ARHGAP26: variants seen among roughly 807,000 people sequenced by gnomAD.
ARHGAP26 encodes Rho GTPase activating protein 26.
ARHGAP26 carries 38 observed loss-of-function variants against 104.8 expected under a neutral mutation model. The ratio of observed to expected loss-of-function variants is 0.36; its 90% CI spans 0.28 to 0.48. ARHGAP26 has a LOEUF of 0.48. ARHGAP26 is among the 20% of genes least tolerant of loss of function. The pLI, the probability that ARHGAP26 is intolerant of heterozygous loss-of-function variation, is 0.99. For synonymous variants in ARHGAP26, 341 were observed against 340.0 expected (o/e 1.00, Z -0.03); for missense variants, 704 against 947.9 (o/e 0.74, Z 3.38).
chr5:142,933,511 G>A (rs1209324032), intron 11 of ARHGAP26, among the ~76,000 whole-genome samples: 2 of 152,190 alleles, frequency 1.3e-5, no homozygotes, highest in Non-Finnish European at 2.9e-5. Flanking sequence ...AGATAGATAA[G>A]TGTATTTCTC....
At chr5:143,060,275 T>C (rs1219504501) in intron 17 of ARHGAP26, among the ~76,000 whole-genome samples, 1 of 152,246 alleles carries the variant, frequency 6.6e-6, no homozygotes, top group African/African-American at 2.4e-5. Flanking sequence ...TATTACTTAC[T>C]GTTTGCCTTG....
chr5:143,191,620 A>G (rs1805932429), intron 20 of ARHGAP26, among the ~76,000 whole-genome samples: 1 of 152,244 alleles, frequency 6.6e-6, no homozygotes, highest in African/African-American at 2.4e-5. Context: ...AATATTAAGA[A>G]AATATGTATT....
At chr5:143,154,102 C>T (rs982070968) in intron 20 of ARHGAP26, among the ~76,000 whole-genome samples, 1 of 150,394 alleles carries the variant, frequency 6.6e-6, no homozygotes, top group Non-Finnish European at 1.5e-5. Flanking sequence ...GTCAATTGAA[C>T]TCCTACTGTG....
intron 17 of ARHGAP26, chr5:143,058,095 G>A: frequency 2.1e-6 from 1 of 478,244 alleles, no homozygotes; most frequent in Non-Finnish European, 4.1e-6. Flanking sequence ...TGCTCATCAA[G>A]AACAAACAAA....
chr5:142,876,648 C>T (rs753827249), intron 3 of ARHGAP26, among the ~76,000 whole-genome samples: 58 of 150,882 alleles, frequency 3.8e-4, no homozygotes, highest in Admixed American at 8.6e-4. Context: ...GGCATTGTGA[C>T]GTATGCTTGT....
chr5:143,059,592 A>T (rs1198872593), intron 17 of ARHGAP26, among the ~76,000 whole-genome samples: 3 of 152,154 alleles, frequency 2.0e-5, no homozygotes, highest in Non-Finnish European at 4.4e-5. Flanking sequence ...CATTCAGTCC[A>T]TCCTTGTTAC....
intron 11 of ARHGAP26, among the ~76,000 whole-genome samples, chr5:142,983,625 C>T (rs962306720): frequency 5.3e-5 from 8 of 151,948 alleles, no homozygotes; most frequent in South Asian, 2.1e-4. Flanking sequence ...ATTTTTACAT[C>T]GAAAAAATAA....
chr5:142,805,393 C>T (rs182762677), intron 1 of ARHGAP26, among the ~76,000 whole-genome samples: 184 of 152,298 alleles, frequency 1.2e-3, no homozygotes, highest in Middle Eastern at 0.01. Flanking sequence ...TGACCCACCA[C>T]GCCTGGCCCA....
intron 11 of ARHGAP26, among the ~76,000 whole-genome samples, chr5:142,970,422 C>T (rs1022586877): frequency 6.6e-6 from 1 of 152,208 alleles, no homozygotes; most frequent in African/African-American, 2.4e-5. Context: ...TTTCTGTTTT[C>T]CTCTCTGTTG....
intron 1 of ARHGAP26, among the ~76,000 whole-genome samples, chr5:142,855,349 A>T (rs1752179370): frequency 6.6e-6 from 1 of 152,098 alleles, no homozygotes; most frequent in Non-Finnish European, 1.5e-5. Flanking sequence ...AGATACTAGG[A>T]GGCTGCTGGT....
chr5:142,901,912 T>C, intron 6 of ARHGAP26, 23 bp from the exon 7 acceptor site: 1 of 1,604,538 alleles, frequency 6.2e-7, no homozygotes, highest in Non-Finnish European at 8.5e-7. Flanking sequence ...TATGTGACCT[T>C]TGCCTTTCTT....
intron 1 of ARHGAP26, among the ~76,000 whole-genome samples, chr5:142,850,178 CT>C (rs1369006738): frequency 6.6e-6 from 1 of 152,202 alleles, no homozygotes; most frequent in Non-Finnish European, 1.5e-5. Context: ...TTTGGCCCTA[CT>C]ATTTCCCGTG....
intron 1 of ARHGAP26, among the ~76,000 whole-genome samples, chr5:142,869,300 G>A (rs141480403): frequency 3.8e-3 from 574 of 150,404 alleles, no homozygotes; most frequent in Non-Finnish European, 6.0e-3. Flanking sequence ...TCAGCCTCCC[G>A]GGTTCACGCG....
intron 22 of ARHGAP26, chr5:143,216,561 TAA>T (rs1169742181): frequency 3.1e-6 from 1 of 322,360 alleles, no homozygotes; most frequent in African/African-American, 2.2e-5. Context: ...AACAATTCTG[TAA>T]CTGCTCCCAC....
In ARHGAP26 at chr5:142,906,693, TC is replaced by T. The variant is rs551906134; in HGVS notation, c.833-1007del. Reference sequence around the variant, plus strand: ...GTGTTGTTCAATTACTGGAATTTTTTCCCCAGTCTGTAAGAATACACTAAGA... The same window carrying T: ...GTGTTGTTCAATTACTGGAATTTTTTCCCAGTCTGTAAGAATACACTAAGA... On this transcript the variant is annotated intron_variant, in intron 8 of 22. Transcript: ENST00000645722. 4.8e-4 allele frequency among the ~76,000 whole-genome samples: 73 copies of T among 152,334 alleles called. 1 individual carries two copies. Among genetic ancestry groups the T allele is most frequent in the African/African-American group, 1.6e-3 (67 of 41,580 alleles).
intron 10 of ARHGAP26, among the ~76,000 whole-genome samples, chr5:142,928,735 G>C (rs1764274472): frequency 6.6e-6 from 1 of 152,194 alleles, no homozygotes; most frequent in African/African-American, 2.4e-5. Flanking sequence ...TCATGATGTA[G>C]CTGTGAAGAG....
rs1430386852 is a variant in ARHGAP26, at chr5:142,903,849, T to G, written c.832+180T>G. On this transcript the variant is annotated intron_variant, in intron 8 of 22. Coordinates refer to ENST00000645722, the MANE Select transcript of ARHGAP26 (RefSeq NM_001135608.3). ...CACAGAATCTTGTCTACCTTTGTTT[T>G]TCTTTATGAATGGGAATTCCTTTGG... Among the ~76,000 whole-genome samples, 6 of 152,308 alleles carry G rather than the reference T, an allele frequency of 3.9e-5. No individual in the cohort carries two copies. The East Asian group carries it at 9.7e-4, about 25-fold the overall frequency.
chr5:143,117,166 T>C (rs1005160554), intron 17 of ARHGAP26, among the ~76,000 whole-genome samples: 1 of 152,206 alleles, frequency 6.6e-6, no homozygotes, highest in Admixed American at 6.5e-5. Context: ...AGACTCAACA[T>C]GACATTCTGA....
chr5:143,155,402 A>G (rs1246874520), intron 20 of ARHGAP26, among the ~76,000 whole-genome samples: 1 of 152,154 alleles, frequency 6.6e-6, no homozygotes, highest in Non-Finnish European at 1.5e-5. Flanking sequence ...TTCCCTAAGC[A>G]AGATCTCACT....
Sources: gnomAD v4.1 joint callset for allele counts (sites outside exome capture counted in the v4.1 genomes callset) on GRCh38, gnomAD v4.1.1 for gene constraint, MANE v1.5 for transcripts, NCBI Gene and HGNC (gene_info 2026-07-23, HGNC 2026-07-21) for gene names.